The following ZNF529 variants were observed in gnomAD, a reference collection of about 807,000 sequenced individuals.
ZNF529 encodes zinc finger protein 529.
Under a neutral mutation model 10.1 loss-of-function variants are expected in ZNF529, and 11 were observed. That is an observed-to-expected ratio of 1.09 (90% CI 0.69 to 1.81). ZNF529 has a LOEUF of 1.81. Among genes scored for constraint, ZNF529 ranks in the 40% most tolerant of loss-of-function variants. The pLI, the probability that ZNF529 is intolerant of heterozygous loss-of-function variation, is 0.00. For missense variants in ZNF529, 624 were observed against 666.8 expected (o/e 0.94, Z 0.71); for synonymous variants, 204 against 215.7 (o/e 0.95, Z 0.47).
chr19:36,558,805 C>G, intron 2 of ZNF529, among the ~76,000 whole-genome samples: 1 of 151,772 alleles, frequency 6.6e-6, no homozygotes. Context: ...AATTAAAAAG[C>G]TTCTACGAAA....
chr19:36,562,277 G>A (rs546293659), intron 2 of ZNF529, among the ~76,000 whole-genome samples: 10 of 152,128 alleles, frequency 6.6e-5, no homozygotes, highest in South Asian at 2.1e-4. Flanking sequence ...TTGGAAGCAC[G>A]TAACTAGTTT....
At chr19:36,567,764 A>T (rs1002039785) in intron 2 of ZNF529, among the ~76,000 whole-genome samples, 1 of 152,102 alleles carries the variant, frequency 6.6e-6, no homozygotes, top group Non-Finnish European at 1.5e-5. Context: ...TGGATTCTTA[A>T]ATGATGACAC....
At chr19:36,565,649 G>A (rs565229119) in intron 2 of ZNF529, among the ~76,000 whole-genome samples, 1 of 152,258 alleles carries the variant, frequency 6.6e-6, no homozygotes, top group South Asian at 2.1e-4. Context: ...GCAGTGAGCA[G>A]AGATTGTGCC....
chr19:36,556,290 G>A, intron 2 of ZNF529, 93 bp from the exon 3 acceptor site: 1 of 684,524 alleles, frequency 1.5e-6, no homozygotes, highest in Non-Finnish European at 2.7e-6. Flanking sequence ...ATTAGTTTAA[G>A]AGAATCTCAA....
At chr19:36,588,598 A>AC (rs2036633571) in intron 2 of ZNF529, among the ~76,000 whole-genome samples, 1 of 151,958 alleles carries the variant, frequency 6.6e-6, no homozygotes, top group South Asian at 2.1e-4. Context: ...CATACTGATG[A>AC]CCCCCAGCAC....
intron 2 of ZNF529, among the ~76,000 whole-genome samples, chr19:36,571,900 A>C (rs1477015371): frequency 6.6e-6 from 1 of 151,402 alleles, no homozygotes; most frequent in Non-Finnish European, 1.5e-5. Flanking sequence ...TTGTTGACAT[A>C]GCCTCTCTGC....
At chr19:36,600,066 A>G (rs1401370671) in intron 1 of ZNF529, among the ~76,000 whole-genome samples, 1 of 151,902 alleles carries the variant, frequency 6.6e-6, no homozygotes, top group Admixed American at 6.6e-5. Context: ...ACGGGGTTTC[A>G]CCATGTTGGT....
chr19:36,602,881 G>A (rs1480950035), intron 1 of ZNF529, among the ~76,000 whole-genome samples: 2 of 148,666 alleles, frequency 1.3e-5, no homozygotes, highest in Non-Finnish European at 3.0e-5. Flanking sequence ...AGTGAGCCAA[G>A]ATCGCACCAT....
At chr19:36,595,694 G>A (rs1057069864) in intron 1 of ZNF529, among the ~76,000 whole-genome samples, 1 of 152,034 alleles carries the variant, frequency 6.6e-6, no homozygotes, top group Admixed American at 6.6e-5. Context: ...GCAAGACTCT[G>A]TCTCAAAAAA....
chr19:36,592,284 C>CCAAAA (rs2036738452), intron 1 of ZNF529, among the ~76,000 whole-genome samples: 6 of 49,840 alleles, frequency 1.2e-4, no homozygotes, highest in African/African-American at 8.6e-5. Context: ...GACTTTGTCT[C>CCAAAA]AAAAAAAAAA....
At position 36,546,059 on chromosome 19, in the gene ZNF529, G is replaced by GTATATATATATATATATATATA. The variant is rs375987417; in HGVS notation, c.*806_*807insTATATATATATATATATATATA. 7.3e-3 allele frequency: 910 copies of GTATATATATATATATATATATA among 124,966 alleles called. 4 individuals carry two copies. The highest frequency in any genetic ancestry group is 0.011 in the Non-Finnish European group (620 of 56,144). The allele number at this position is 124,966 out of a possible 1,614,324, so 7.7% of individuals were successfully genotyped here. ...ATATACATATATTGTGTGTGTGTGT[G>GTATATATATATATATATATATA]TGTATATATATATATATATATAGTG... On this transcript the variant is annotated 3_prime_UTR_variant, in exon 5 of 5. Coordinates refer to ENST00000591340, the MANE Select transcript of ZNF529 (RefSeq NM_020951.5).
At chr19:36,568,320 C>G (rs1195288429) in intron 2 of ZNF529, among the ~76,000 whole-genome samples, 1 of 152,132 alleles carries the variant, frequency 6.6e-6, no homozygotes, top group Non-Finnish European at 1.5e-5. Flanking sequence ...TGCTCTTACT[C>G]CATCTCTAGT....
At chr19:36,572,781 T>C (rs1414504204) in intron 1 of ZNF529, among the ~76,000 whole-genome samples, 1 of 152,144 alleles carries the variant, frequency 6.6e-6, no homozygotes, top group Non-Finnish European at 1.5e-5. Context: ...ATATCATCTA[T>C]GTAATCTATC....
chr19:36,569,760 C>T (rs2036029435), intron 2 of ZNF529, among the ~76,000 whole-genome samples: 1 of 152,120 alleles, frequency 6.6e-6, no homozygotes, highest in Admixed American at 6.6e-5. Context: ...CAGGGCAAGA[C>T]TCTTGTTGCA....
At chr19:36,552,064 A>G (rs1430951351) in intron 4 of ZNF529, 1 of 152,216 alleles carries the variant, frequency 6.6e-6, no homozygotes, top group Non-Finnish European at 1.5e-5. Flanking sequence ...ACTGGAAAAC[A>G]GTTGGTGGCA....
At chr19:36,562,470 TA>T (rs112567152) in intron 2 of ZNF529, among the ~76,000 whole-genome samples, 1,547 of 151,756 alleles carry the variant, frequency 0.01, 17 homozygotes, top group African/African-American at 0.034. Flanking sequence ...GACATGAATA[TA>T]GGGGGGGTCC....
intron 4 of ZNF529, chr19:36,551,920 G>C (rs1240896111): frequency 2.0e-5 from 3 of 152,124 alleles, no homozygotes; most frequent in Admixed American, 6.5e-5. Flanking sequence ...AATTCCATGA[G>C]AGCAGGGTCT....
At chr19:36,598,292 T>C (rs2036871721) in intron 1 of ZNF529, among the ~76,000 whole-genome samples, 1 of 152,164 alleles carries the variant, frequency 6.6e-6, no homozygotes, top group African/African-American at 2.4e-5. Context: ...GGAGGATCAC[T>C]TGAGACCAGG....
At chr19:36,559,542 C>G (rs1276918996) in intron 2 of ZNF529, among the ~76,000 whole-genome samples, 5 of 152,168 alleles carry the variant, frequency 3.3e-5, no homozygotes, top group Non-Finnish European at 7.3e-5. Context: ...CTCCTGAGCT[C>G]GTGATCCACC....
Sources: gnomAD v4.1 joint callset for allele counts (sites outside exome capture counted in the v4.1 genomes callset) on GRCh38, gnomAD v4.1.1 for gene constraint, MANE v1.5 for transcripts, NCBI Gene and HGNC (gene_info 2026-07-23, HGNC 2026-07-21) for gene names.